Variants in PTPRM observed in about 807,000 individuals in gnomAD.
PTPRM encodes the protein protein tyrosine phosphatase receptor type M.
In PTPRM, 47 loss-of-function variants were observed where a neutral mutation model predicts 186.7. That is an observed-to-expected ratio of 0.25 (90% CI 0.20 to 0.32). The LOEUF (loss-of-function observed/expected upper bound fraction) is 0.32, where lower values mean the gene tolerates loss of function less well. Ranked by LOEUF, PTPRM falls within the 10% of genes least tolerant of loss-of-function variation. The pLI is 1.00. For missense variants in PTPRM, 1,494 were observed against 1,865.0 expected (o/e 0.80, Z 3.66); for synonymous variants, 668 against 674.9 (o/e 0.99, Z 0.16).
intron 1 of PTPRM, among the ~76,000 whole-genome samples, chr18:7,706,620 A>AAC (rs1165006997): frequency 6.7e-6 from 1 of 149,862 alleles, no homozygotes; most frequent in African/African-American, 2.4e-5. Context: ...AAAAAAAAAA[A>AAC]AAAAAAAAAA....
At chr18:8,092,617 T>G (rs1372583833) in intron 11 of PTPRM, among the ~76,000 whole-genome samples, 1 of 151,938 alleles carries the variant, frequency 6.6e-6, no homozygotes, top group Non-Finnish European at 1.5e-5. Flanking sequence ...ACATGACCCT[T>G]CCTAAAAGCA....
intron 7 of PTPRM, among the ~76,000 whole-genome samples, chr18:7,985,356 CAT>C (rs1363250729): frequency 8.5e-6 from 1 of 118,056 alleles, no homozygotes; most frequent in Non-Finnish European, 1.7e-5. Flanking sequence ...TAAATATATA[CAT>C]ATACTGGTAT....
chr18:7,577,081 GT>G lies in PTPRM; in HGVS notation c.73+9200del, dbSNP rs145320745. Among the ~76,000 whole-genome samples, 748 of 148,676 alleles carry G rather than the reference GT, an allele frequency of 5.0e-3. 4 individuals are homozygous for G. Among genetic ancestry groups the G allele is most frequent in the African/African-American group, 0.017 (697 of 40,648 alleles). The stretch of plus-strand genomic sequence containing the variant: ...AATCAAATAACTTATGCTTAAGGCT[GT>G]TTTTTTTTTCCTACTTCCTATCAAG... On this transcript the variant is annotated intron_variant, in intron 1 of 32. Coordinates refer to ENST00000580170, the MANE Select transcript of PTPRM (RefSeq NM_001105244.2).
chr18:8,310,909 T>C lies in PTPRM; in HGVS notation c.2843-3872T>C, dbSNP rs186949939. On this transcript the variant is annotated intron_variant, in intron 20 of 32. Coordinates refer to ENST00000580170, the MANE Select transcript of PTPRM (RefSeq NM_001105244.2). ...GACATCTGAGTTGAATACTGAAAAA[T>C]TGGCAGAATTTGGACAGTTAGAGAT... Among the ~76,000 whole-genome samples, 15 of 152,192 alleles carry C rather than the reference T, an allele frequency of 9.9e-5. No homozygotes were observed. In the East Asian group the frequency reaches 2.9e-3, roughly 30 times the overall value.
intron 24 of PTPRM, among the ~76,000 whole-genome samples, chr18:8,375,502 T>C (rs1393862619): frequency 6.6e-6 from 1 of 152,236 alleles, no homozygotes; most frequent in Non-Finnish European, 1.5e-5. Context: ...ACCTGTCTAG[T>C]TGGAAAGGTG....
rs562417326 is a variant in PTPRM, at chr18:7,815,976, G to A, written c.196+41705G>A. Among the ~76,000 whole-genome samples the A allele has an allele frequency of 2.0e-5, 3 of 152,304 alleles. No individual in the cohort carries two copies. The East Asian group carries it at 5.8e-4, about 29-fold the overall frequency. On this transcript the variant is annotated intron_variant, in intron 2 of 32. Coordinates refer to ENST00000580170, the MANE Select transcript of PTPRM (RefSeq NM_001105244.2). ...ATGTTCTGTCCTCTCCCTTTGAAGA[G>A]AGTCTAATTTAACAGGTGTGATAAG... is the stretch of plus-strand genomic sequence containing the variant.
chr18:7,758,931 C>A (rs981297755), intron 1 of PTPRM, among the ~76,000 whole-genome samples: 2 of 152,198 alleles, frequency 1.3e-5, no homozygotes, highest in African/African-American at 4.8e-5. Flanking sequence ...TTTATACTGG[C>A]AAATTCAGTA....
intron 2 of PTPRM, among the ~76,000 whole-genome samples, chr18:7,789,420 T>C (rs551891415): frequency 2.2e-4 from 33 of 152,304 alleles, no homozygotes; most frequent in African/African-American, 7.2e-4. Flanking sequence ...GCAAAGTTGA[T>C]CAATGCTTTA....
chr18:7,740,310 A>G lies in PTPRM; in HGVS notation c.74-33839A>G, dbSNP rs936054665. 7.2e-5 allele frequency among the ~76,000 whole-genome samples: 11 copies of G among 152,352 alleles called. No individual in the cohort carries two copies. In the East Asian group the frequency reaches 9.7e-4, roughly 13 times the overall value. On this transcript the variant is annotated intron_variant, in intron 1 of 32. Coordinates refer to ENST00000580170, the MANE Select transcript of PTPRM (RefSeq NM_001105244.2). ...AGGAGGAAACTGAAGCAAAATTAAC[A>G]TAAGTAAAGAGTTTATTGGGGCCAA...
chr18:8,384,456 T>C (rs755706907), intron 29 of PTPRM, 105 bp from the exon 30 acceptor site: 27 of 1,315,080 alleles, frequency 2.1e-5, no homozygotes, highest in Non-Finnish European at 2.9e-5. Context: ...AGACCCTATC[T>C]CTTAAAAAAA....
intron 14 of PTPRM, chr18:8,154,986 A>G (rs992103667): frequency 1.3e-5 from 2 of 152,232 alleles, no homozygotes; most frequent in African/African-American, 4.8e-5. Context: ...GTGTTCCTTT[A>G]AAGATTTGAC....
intron 1 of PTPRM, among the ~76,000 whole-genome samples, chr18:7,584,880 C>T (rs764882917): frequency 6.6e-6 from 1 of 152,204 alleles, no homozygotes; most frequent in South Asian, 2.1e-4. Context: ...GGAGCCAGGC[C>T]TGTGCTGAGC....
intron 9 of PTPRM, 70 bp from the exon 10 acceptor site, chr18:8,085,601 T>A: frequency 7.4e-7 from 1 of 1,343,222 alleles, no homozygotes. Flanking sequence ...ATCAGAAGGG[T>A]TTATTGGATA....
At chr18:8,005,001 A>T (rs1279446214) in intron 7 of PTPRM, among the ~76,000 whole-genome samples, 1 of 152,226 alleles carries the variant, frequency 6.6e-6, no homozygotes, top group Non-Finnish European at 1.5e-5. Context: ...TGTAGACTCC[A>T]GCTGTCTGGT....
intron 3 of PTPRM, among the ~76,000 whole-genome samples, chr18:7,889,020 C>T (rs140463870): frequency 5.5e-4 from 84 of 152,262 alleles, no homozygotes; most frequent in South Asian, 8.3e-4. Context: ...TGCTCACTAC[C>T]TGGGTGACGG....
At position 7,967,184 on chromosome 18, in the gene PTPRM, C is replaced by T. The variant is rs1261663744; in HGVS notation, c.1132+11770C>T. The stretch of plus-strand genomic sequence containing the variant: ...AGCAGCCTAACTGGGAGGCACCCCC[C>T]AGCAGGGGCACACTGACACCTCACA... On this transcript the variant is annotated intron_variant, in intron 7 of 32. Transcript: ENST00000580170. Among the ~76,000 whole-genome samples the T allele has an allele frequency of 5.8e-4, 21 of 36,192 alleles. 1 individual carries two copies. The highest frequency in any genetic ancestry group is 1.3e-3 in the Non-Finnish European group (18 of 13,606). 23.7% of individuals were successfully genotyped at this position (36,192 alleles called of 152,430 possible). A position where few individuals can be genotyped will look rare whatever the true frequency, so the allele number is the denominator to read the frequency against.
intron 14 of PTPRM, among the ~76,000 whole-genome samples, chr18:8,240,426 ACT>A (rs1238689592): frequency 7.4e-6 from 1 of 135,674 alleles, no homozygotes; most frequent in Non-Finnish European, 1.6e-5. Flanking sequence ...ACAGAGCAAG[ACT>A]CTGTCTCAAA....
At chr18:8,195,825 A>G (rs543128168) in intron 14 of PTPRM, among the ~76,000 whole-genome samples, 2 of 152,322 alleles carry the variant, frequency 1.3e-5, no homozygotes, top group Admixed American at 6.5e-5. Context: ...CTGAAAGCCC[A>G]GACTCCACCG....
chr18:7,620,412 C>G (rs1356273062), intron 1 of PTPRM, among the ~76,000 whole-genome samples: 1 of 152,164 alleles, frequency 6.6e-6, no homozygotes, highest in Non-Finnish European at 1.5e-5. Flanking sequence ...CTCAGAATGC[C>G]TGGACCCCCG....
Sources: allele counts gnomAD v4.1 joint callset (sites outside exome capture counted in the v4.1 genomes callset), GRCh38; gene constraint gnomAD v4.1.1; transcripts MANE v1.5; gene names NCBI Gene and HGNC (gene_info 2026-07-23, HGNC 2026-07-21).